Variants in ADAMTS3 observed in about 807,000 individuals in gnomAD.
The protein encoded by ADAMTS3 is ADAM metallopeptidase with thrombospondin type 1 motif 3.
ADAMTS3 carries 73 observed loss-of-function variants against 129.0 expected under a neutral mutation model. The observed-to-expected ratio is 0.57, with a 90% confidence interval of 0.47 to 0.69. The LOEUF is 0.69. Ranked by LOEUF, ADAMTS3 falls within the 30% of genes least tolerant of loss-of-function variation. The pLI is 0.00. For missense variants in ADAMTS3, 1,457 were observed against 1,514.5 expected (o/e 0.96, Z 0.63); for synonymous variants, 477 against 510.8 (o/e 0.93, Z 0.89).
intron 6 of ADAMTS3, 110 bp from the exon 7 acceptor site, chr4:72,320,980 A>G: frequency 1.7e-6 from 2 of 1,159,164 alleles, no homozygotes; most frequent in Non-Finnish European, 2.4e-6. Context: ...CAATGATTCA[A>G]TAATATTTGG....
chr4:72,455,890 T>A (rs1255780559), intron 3 of ADAMTS3, among the ~76,000 whole-genome samples: 3 of 120,324 alleles, frequency 2.5e-5, no homozygotes, highest in African/African-American at 9.2e-5. Flanking sequence ...TATATATATT[T>A]TATATATAGT....
At chr4:72,447,782 C>CA (rs970572580) in intron 3 of ADAMTS3, among the ~76,000 whole-genome samples, 4 of 151,678 alleles carry the variant, frequency 2.6e-5, no homozygotes, top group African/African-American at 9.7e-5. Context: ...ATGCAGAAAC[C>CA]ATCAGATAAA....
At chr4:72,404,825 AACAC>A (rs146366382) in intron 4 of ADAMTS3, among the ~76,000 whole-genome samples, 30,771 of 148,714 alleles carry the variant, frequency 0.21, 3,378 homozygotes, top group Non-Finnish European at 0.25. Flanking sequence ...AAGCAAACAA[AACAC>A]ACACACACAC....
chr4:72,517,160 C>T (rs1424592639), intron 3 of ADAMTS3, among the ~76,000 whole-genome samples: 2 of 152,016 alleles, frequency 1.3e-5, no homozygotes, highest in African/African-American at 4.8e-5. Context: ...ATATATTGAA[C>T]CAGCCTTGCA....
At chr4:72,419,400 G>A (rs1313494195) in intron 3 of ADAMTS3, among the ~76,000 whole-genome samples, 1 of 152,146 alleles carries the variant, frequency 6.6e-6, no homozygotes, top group Non-Finnish European at 1.5e-5. Context: ...AGGGAATGAA[G>A]AGCTTTTAGA....
In ADAMTS3 at chr4:72,499,399, A is replaced by G. The variant is rs927946005; in HGVS notation, c.504+49079T>C. On this transcript the variant is annotated intron_variant, in intron 3 of 21. Coordinates refer to ENST00000286657, the MANE Select transcript of ADAMTS3 (RefSeq NM_014243.3). ...AGGAAAAGCTTATTTCAGCAGGATA[A>G]TCTCCTCCTACAGGTGGACAAGATT... 3.9e-5 allele frequency among the ~76,000 whole-genome samples: 6 copies of G among 152,288 alleles called. No homozygotes were observed. In the East Asian group the frequency reaches 1.2e-3, roughly 29 times the overall value.
At chr4:72,410,225 T>A (rs936095342) in intron 4 of ADAMTS3, among the ~76,000 whole-genome samples, 9 of 152,022 alleles carry the variant, frequency 5.9e-5, no homozygotes, top group Admixed American at 6.6e-5. Context: ...AAATAAGAAA[T>A]AATCTTCTCG....
chr4:72,474,834 G>A (rs1210995471), intron 3 of ADAMTS3, among the ~76,000 whole-genome samples: 3 of 151,860 alleles, frequency 2.0e-5, no homozygotes, highest in East Asian at 1.9e-4. Context: ...AGACCATCCC[G>A]GCTAAAACGG....
At chr4:72,441,865 A>C (rs1038422490) in intron 3 of ADAMTS3, 3 of 149,790 alleles carry the variant, frequency 2.0e-5, no homozygotes, top group Admixed American at 6.6e-5. Flanking sequence ...AAGTCCAGTA[A>C]GTGGCTACTG....
chr4:72,355,055 TAACTA>T (rs745341258), intron 4 of ADAMTS3, among the ~76,000 whole-genome samples: 3 of 151,706 alleles, frequency 2.0e-5, no homozygotes, highest in Non-Finnish European at 4.4e-5. Flanking sequence ...AACATTTAAC[TAACTA>T]AACTATATAT....
At chr4:72,385,191 G>T (rs1042729422) in intron 4 of ADAMTS3, among the ~76,000 whole-genome samples, 1 of 149,728 alleles carries the variant, frequency 6.7e-6, no homozygotes, top group African/African-American at 2.5e-5. Context: ...AAAAAAAAAA[G>T]AAAAGAAAAG....
At chr4:72,296,994 A>T (rs1290861873) in intron 18 of ADAMTS3, among the ~76,000 whole-genome samples, 2 of 152,132 alleles carry the variant, frequency 1.3e-5, no homozygotes, top group Non-Finnish European at 2.9e-5. Flanking sequence ...TCTAATGATG[A>T]GATTCAAGGG....
intron 3 of ADAMTS3, among the ~76,000 whole-genome samples, chr4:72,467,621 GCTC>G (rs1245986001): frequency 6.6e-6 from 1 of 151,800 alleles, no homozygotes; most frequent in Non-Finnish European, 1.5e-5. Flanking sequence ...CCTAAAATAT[GCTC>G]CTTCCTCCCA....
intron 4 of ADAMTS3, among the ~76,000 whole-genome samples, chr4:72,357,361 G>C (rs1341572277): frequency 6.6e-6 from 1 of 151,852 alleles, no homozygotes; most frequent in Non-Finnish European, 1.5e-5. Context: ...CTGAAAAATA[G>C]ATTATAGTAA....
At chr4:72,488,935 T>C (rs1719661504) in intron 3 of ADAMTS3, among the ~76,000 whole-genome samples, 1 of 151,880 alleles carries the variant, frequency 6.6e-6, no homozygotes, top group Non-Finnish European at 1.5e-5. Context: ...ATCTCCCCAT[T>C]TTCTCCTCAT....
chr4:72,366,300 T>G (rs750297024), intron 4 of ADAMTS3, among the ~76,000 whole-genome samples: 7 of 152,184 alleles, frequency 4.6e-5, no homozygotes, highest in Non-Finnish European at 7.4e-5. Flanking sequence ...CCCACCAAAC[T>G]TCTGCCTTCA....
chr4:72,388,360 C>G (rs1662709768), intron 4 of ADAMTS3, among the ~76,000 whole-genome samples: 1 of 152,146 alleles, frequency 6.6e-6, no homozygotes, highest in South Asian at 2.1e-4. Flanking sequence ...TTTAAAAGTA[C>G]CACTGCCTGT....
chr4:72,561,766 A>G (rs958992282), intron 2 of ADAMTS3, among the ~76,000 whole-genome samples: 2 of 152,186 alleles, frequency 1.3e-5, no homozygotes, highest in African/African-American at 4.8e-5. Context: ...TTGTTTTATC[A>G]ATCACTTCAA....
chr4:72,492,958 C>A (rs1719785041), intron 3 of ADAMTS3, among the ~76,000 whole-genome samples: 1 of 151,804 alleles, frequency 6.6e-6, no homozygotes, highest in African/African-American at 2.4e-5. Context: ...TGAATTAACT[C>A]TTTTATCAAT....
Sources: allele counts gnomAD v4.1 joint callset (sites outside exome capture counted in the v4.1 genomes callset), GRCh38; gene constraint gnomAD v4.1.1; transcripts MANE v1.5; gene names NCBI Gene and HGNC (gene_info 2026-07-23, HGNC 2026-07-21).